Variants in KRT36 observed in about 807,000 individuals in gnomAD.
KRT36 encodes keratin, type I cuticular Ha6.
KRT36 carries 41 observed loss-of-function variants against 43.0 expected under a neutral mutation model. The ratio of observed to expected loss-of-function variants is 0.95; its 90% CI spans 0.74 to 1.24. KRT36 has a LOEUF of 1.24. Among genes scored for constraint, KRT36 ranks in the 50% most tolerant of loss-of-function variants. KRT36 has a pLI of 0.00. For missense variants in KRT36, 627 were observed against 595.3 expected, an observed-to-expected ratio of 1.05 and a Z score of -0.55; for synonymous variants, 277 against 252.9, an observed-to-expected ratio of 1.10 and a Z score of -0.90.
chr17:41,486,351 C>G lies in KRT36; in HGVS notation c.*25G>C, dbSNP rs1385932313. 2 of 1,607,060 alleles carry G rather than the reference C, an allele frequency of 1.2e-6. No homozygotes were observed. The highest frequency in any genetic ancestry group is 3.3e-5 in the Admixed American group (2 of 59,842). On this transcript the variant is annotated 3_prime_UTR_variant, in exon 7 of 7. Transcript: ENST00000328119. ...TGTCCTCCTTCCTGTGGTCAGGGCC[C>G]TGCCCTGGTGGACCAAGTGGGCTGT...
Position 41,487,450 on chromosome 17 carries a change from C to T in KRT36, c.888G>A (p.Val296=), listed in dbSNP as rs1235674046. 1.9e-6 allele frequency: 3 copies of T among 1,614,194 alleles called. No homozygotes were observed. Among genetic ancestry groups the T allele is most frequent in the Admixed American group, 1.7e-5 (1 of 60,030 alleles). ...TQTEELNQQV[V]SSSEQLQCCQ... ...AGCACTGCAGCTGCTCCGAGCTGGA[C>T]ACCACCTGCTGGTTCAGCTCCTCAG... The change falls in exon 5 of 7, where the codon GTG becomes GTA. Residue 296 remains valine, a synonymous_variant. Transcript: ENST00000328119.
rs773960184 is a variant in KRT36 at position 41,488,312 on chromosome 17, C to T, written c.630G>A (p.Lys210=). The part of the protein sequence containing the change: ...RRILDELTLC[K]ADLEAQVESL... ...ACTCCACCTGAGCCTCCAGGTCAGC[C>T]TTGCACAGGGTCAGCTCATCCAGGA... The change falls in exon 3 of 7, where the codon AAG becomes AAA. Residue 210 remains lysine, a synonymous_variant. Transcript: ENST00000328119. 5.6e-6 allele frequency: 9 copies of T among 1,614,078 alleles called. No homozygotes were observed. The Admixed American group carries it at 1.3e-4, about 24-fold the overall frequency.
chr17:41,489,823 A>G lies in KRT36; in HGVS notation c.42T>C (p.Ser14=), dbSNP rs777015511. ...CTGCTGTGCCACAGAGGCCCTTGAT[A>G]GACCCAGTGGAGAAGGTAGGGGTGC... ...QTCTPTFSTG[S]IKGLCGTAGG... The change falls in exon 1 of 7, where the codon TCT becomes TCC. Residue 14 remains serine (S), a synonymous_variant. Coordinates refer to ENST00000328119, the MANE Select transcript of KRT36 (RefSeq NM_003771.5). 5.0e-6 allele frequency: 8 copies of G among 1,613,438 alleles called. No homozygotes were observed. The highest frequency in any genetic ancestry group is 5.1e-6 in the Non-Finnish European group (6 of 1,179,968).
rs770197505 is a variant in KRT36 at position 41,489,552 on chromosome 17, C to A, written c.313G>T (p.Ala105Ser). The A allele has an allele frequency of 5.0e-6, 8 of 1,614,142 alleles. No individual in the cohort carries two copies. Among genetic ancestry groups the A allele is most frequent in the Non-Finnish European group, 6.8e-6 (8 of 1,180,040 alleles). The change falls in exon 1 of 7, where the codon GCC (alanine) becomes TCC (serine). Residue 105 changes from alanine to serine, a missense_variant. Coordinates refer to ENST00000328119, the MANE Select transcript of KRT36 (RefSeq NM_003771.5). ...ETMQFLNDRL[A>S]NYLEKVRQLE... The stretch of plus-strand genomic sequence containing the variant: ...TGACGCACCTTCTCCAGGTAGTTGG[C>A]CAGGCGGTCGTTCAGGAACTGCATA...
In KRT36 at chr17:41,487,642, C is replaced by G. The variant is rs146645829; in HGVS notation, c.795G>C (p.Met265Ile). Residue 265 changes from methionine (M) to isoleucine (I), a missense_variant, in exon 4 of 7, where the codon ATG becomes ATC. Coordinates refer to ENST00000328119, the MANE Select transcript of KRT36 (RefSeq NM_003771.5). ...PVDLNKILED[M>I]RCQYEALVEN... ...CCACCAGGGCCTCGTACTGGCATCT[C>G]ATATCCTCCAGGATCTTGTTGAGAT... 2.3e-5 allele frequency: 37 copies of G among 1,614,212 alleles called. No individual in the cohort carries two copies. The African/African-American group carries it at 4.5e-4, about 20-fold the overall frequency.
Position 41,487,113 on chromosome 17 carries a change from C to T in KRT36, c.1045G>A (p.Ala349Thr), listed in dbSNP as rs1904409619. The change falls in exon 6 of 7, where the codon GCC (alanine) becomes ACC (threonine). Residue 349 changes from alanine to threonine, a missense_variant. Coordinates refer to ENST00000328119, the MANE Select transcript of KRT36 (RefSeq NM_003771.5). The stretch of plus-strand genomic sequence containing the variant: ...TTGCTGATCAGGCACTGCATCTGGG[C>T]CAGCTGGGAGCTGTAGCGGGCCTCG... ...ETEARYSSQL[A>T]QMQCLISNVE... 6.2e-7 allele frequency: 1 copy of T among 1,614,100 alleles called. No homozygotes were observed. The highest frequency in any genetic ancestry group is 1.7e-5 in the Admixed American group (1 of 60,010).
intron 5 of KRT36, 53 bp from the exon 6 acceptor site, chr17:41,487,223 A>C: frequency 6.3e-7 from 1 of 1,585,710 alleles, no homozygotes; most frequent in South Asian, 1.2e-5. Flanking sequence ...CCCTGACCCC[A>C]GAAACCCACA....
chr17:41,487,111 G>A lies in KRT36; in HGVS notation c.1047C>T (p.Ala349=). ...ETEARYSSQL[A]QMQCLISNVE... ...CGTTGCTGATCAGGCACTGCATCTG[G>A]GCCAGCTGGGAGCTGTAGCGGGCCT... Residue 349 remains alanine, a synonymous_variant, in exon 6 of 7, where the codon GCC becomes GCT. Coordinates refer to ENST00000328119, the MANE Select transcript of KRT36 (RefSeq NM_003771.5). 6.2e-7 allele frequency: 1 copy of A among 1,614,240 alleles called. No homozygotes were observed. Among genetic ancestry groups the A allele is most frequent in the African/African-American group, 1.3e-5 (1 of 75,070 alleles).
chr17:41,486,884 G>T, intron 6 of KRT36, 66 bp downstream of exon 6: 3 of 1,449,864 alleles, frequency 2.1e-6, no homozygotes, highest in Non-Finnish European at 2.8e-6. Context: ...CCACTTCTGG[G>T]CTTGACGCCC....
At position 41,489,642 on chromosome 17, in the gene KRT36, A is replaced by G. The variant is rs1418823850; in HGVS notation, c.223T>C (p.Ser75Pro). Residue 75 changes from serine (S) to proline (P), a missense_variant, in exon 1 of 7, where the codon TCT (serine) becomes CCT (proline). Physicochemically the swap from Ser to Pro is moderately conservative, Grantham distance 74 (BLOSUM62 -1). Transcript: ENST00000328119. ...GSYLSSECHT[S>P]GFVGSGGWFC... ...CAGCCCCCGCTCCCCACAAAGCCAG[A>G]GGTGTGGCACTCAGAAGACAGGTAG... 3.1e-6 allele frequency: 5 copies of G among 1,614,030 alleles called. No individual in the cohort carries two copies. The South Asian group carries it at 5.5e-5, about 18-fold the overall frequency.
rs1266993037 is a variant in KRT36, at chr17:41,486,271, AGG to A, written c.*103_*104del. The A allele has an allele frequency of 1.0e-5, 9 of 875,958 alleles. No individual in the cohort carries two copies. The highest frequency in any genetic ancestry group is 1.6e-5 in the Non-Finnish European group (9 of 565,278). The allele number at this position is 875,958 out of a possible 1,614,324, so 54.3% of individuals were successfully genotyped here. A position where few individuals can be genotyped will look rare whatever the true frequency, so the allele number is the denominator to read the frequency against. On this transcript the variant is annotated 3_prime_UTR_variant, in exon 7 of 7. Coordinates refer to ENST00000328119, the MANE Select transcript of KRT36 (RefSeq NM_003771.5). Reference sequence around the variant, plus strand: ...TTTGGTAGAAAAACCTGCTAAGCGTAGGGGGACCCCTCTAGAGAAGGGCAGGG... The same window carrying A: ...TTTGGTAGAAAAACCTGCTAAGCGTAGGGACCCCTCTAGAGAAGGGCAGGG...
Position 41,487,380 on chromosome 17 carries a change from C to T in KRT36, c.958G>A (p.Glu320Lys), listed in dbSNP as rs200529679. 11 of 1,612,914 alleles carry T rather than the reference C, an allele frequency of 6.8e-6. No homozygotes were observed. The East Asian group carries it at 2.2e-4, about 33-fold the overall frequency. Reference sequence around the variant, plus strand: ...CTGTGCTGAGCCTGCAGCTCAATCTCTAGCGCGTTGACCGTACGTCTCAGC... The same window carrying T: ...CTGTGCTGAGCCTGCAGCTCAATCTTTAGCGCGTTGACCGTACGTCTCAGC... The part of the protein sequence containing the change: ...IELRRTVNAL[E>K]IELQAQHSMR... Residue 320 changes from glutamate (E) to lysine (K), a missense_variant, in exon 5 of 7, where the codon GAG (glutamate) becomes AAG (lysine). By Grantham distance (56) the Glu-to-Lys change is moderately conservative (BLOSUM62 1). Transcript: ENST00000328119.
rs1904521495 is a variant in KRT36 at position 41,489,836 on chromosome 17, A to C, written c.29T>G (p.Phe10Cys). The change falls in exon 1 of 7, where the codon TTC (phenylalanine) becomes TGC (cysteine). Residue 10 changes from phenylalanine (F) to cysteine (C), a missense_variant. Physicochemically the swap from Phe to Cys is radical, Grantham distance 205. Transcript: ENST00000328119. ...GAGGCCCTTGATAGACCCAGTGGAG[A>C]AGGTAGGGGTGCAGGTCTGGGTGGC... MATQTCTPT[F>C]STGSIKGLCG... 6.2e-7 allele frequency: 1 copy of C among 1,612,782 alleles called. No homozygotes were observed. The highest frequency in any genetic ancestry group is 8.5e-7 in the Non-Finnish European group (1 of 1,179,682).
chr17:41,486,466 C>G lies in KRT36; in HGVS notation c.1314G>C (p.Gln438His). 3 of 1,614,034 alleles carry G rather than the reference C, an allele frequency of 1.9e-6. No homozygotes were observed. The highest frequency in any genetic ancestry group is 2.2e-5 in the South Asian group (2 of 91,086). ...TGATGGTGCGGATCTGAGTGCCAAC[C>G]TGGGGAGCCGGGGTGCAGGGCACAG... The part of the protein sequence containing the change: ...VPSVPCTPAP[Q>H]VGTQIRTITE... Residue 438 changes from glutamine (Q) to histidine (H), a missense_variant, in exon 7 of 7, where the codon CAG (glutamine) becomes CAC (histidine). By Grantham distance (24) the Gln-to-His change is conservative. Coordinates refer to ENST00000328119, the MANE Select transcript of KRT36 (RefSeq NM_003771.5).
chr17:41,488,652 A>G lies in KRT36; in HGVS notation c.532T>C (p.Phe178Leu). Residue 178 changes from phenylalanine to leucine, a missense_variant, in exon 2 of 7, where the codon TTC (phenylalanine) becomes CTC (leucine). Phe to Leu is a conservative substitution (Grantham distance 22). Transcript: ENST00000328119. Reference protein sequence around the residue: ...IDNAKLAADDFRTKYETELSL... With the variant: ...IDNAKLAADDLRTKYETELSL... ...ATCAGGCCCACTCACTTGGTCCGGA[A>G]GTCGTCAGCAGCCAGCTTGGCATTA... is the stretch of plus-strand genomic sequence containing the variant. The G allele has an allele frequency of 6.2e-7, 1 of 1,614,146 alleles. No individual in the cohort carries two copies. Among genetic ancestry groups the G allele is most frequent in the African/African-American group, 1.3e-5 (1 of 75,058 alleles).
Position 41,489,466 on chromosome 17 carries a change from G to A in KRT36, c.399C>T (p.Ile133=), listed in dbSNP as rs139725098. Residue 133 remains isoleucine (I), a synonymous_variant, in exon 1 of 7, where the codon ATC becomes ATT. Transcript: ENST00000328119. Reference sequence around the variant, plus strand: ...ACTGGTAGTCTGGGCAGATGTATGGGATCTGAAACTCGTACCACTCCTGGA... The same window carrying A: ...ACTGGTAGTCTGGGCAGATGTATGGAATCTGAAACTCGTACCACTCCTGGA... ...SRIQEWYEFQ[I]PYICPDYQSY... is the part of the protein sequence containing the mutation. 1.5e-5 allele frequency: 24 copies of A among 1,614,092 alleles called. No homozygotes were observed. In the African/African-American group the frequency reaches 2.8e-4, roughly 19 times the overall value.
Position 41,487,476 on chromosome 17 carries a change from T to A in KRT36, c.862A>T (p.Thr288Ser). The change falls in exon 5 of 7, where the codon ACT becomes TCT. Residue 288 changes from threonine to serine, a missense_variant and splice_region_variant. Thr to Ser is a moderately conservative substitution (Grantham distance 58). Coordinates refer to ENST00000328119, the MANE Select transcript of KRT36 (RefSeq NM_003771.5). ...RDVEAWFNTQ[T>S]EELNQQVVSS... ...ACCACCTGCTGGTTCAGCTCCTCAG[T>A]CTGAAACACATGCCAGGGCCCAGAG... 1 of 1,614,092 alleles carries A rather than the reference T, an allele frequency of 6.2e-7. No individual in the cohort carries two copies. Among genetic ancestry groups the A allele is most frequent in the Non-Finnish European group, 8.5e-7 (1 of 1,179,968 alleles).
Position 41,486,349 on chromosome 17 carries a change from C to A in KRT36, c.*27G>T. The A allele has an allele frequency of 6.2e-7, 1 of 1,605,990 alleles. No individual in the cohort carries two copies. The highest frequency in any genetic ancestry group is 8.5e-7 in the Non-Finnish European group (1 of 1,174,746). On this transcript the variant is annotated 3_prime_UTR_variant, in exon 7 of 7. Coordinates refer to ENST00000328119, the MANE Select transcript of KRT36 (RefSeq NM_003771.5). ...GGTGTCCTCCTTCCTGTGGTCAGGG[C>A]CCTGCCCTGGTGGACCAAGTGGGCT... is the stretch of plus-strand genomic sequence containing the variant.
rs910560200 is a variant in KRT36, at chr17:41,489,395, G to C, written c.459+11C>G. 1 of 1,611,052 alleles carries C rather than the reference G, an allele frequency of 6.2e-7. No individual in the cohort carries two copies. Among genetic ancestry groups the C allele is most frequent in the African/African-American group, 1.3e-5 (1 of 74,994 alleles). Reference sequence around the variant, plus strand: ...GGCTGCTCAGCTGGAAAGGGGCCAGGTCTCCCTCACCTTCTGCTGGAAATC... The same window carrying C: ...GGCTGCTCAGCTGGAAAGGGGCCAGCTCTCCCTCACCTTCTGCTGGAAATC... On this transcript the variant is annotated intron_variant, in intron 1 of 6. Transcript: ENST00000328119.
Sources: allele counts gnomAD v4.1 joint callset, GRCh38; gene constraint gnomAD v4.1.1; transcripts MANE v1.5; gene names NCBI Gene and HGNC (gene_info 2026-07-23, HGNC 2026-07-21).